The following HLCS variants were observed in gnomAD, a reference collection of about 807,000 sequenced individuals.
HLCS encodes biotin--protein ligase.
In HLCS, 53 loss-of-function variants were observed where a neutral mutation model predicts 75.0. The ratio of observed to expected loss-of-function variants is 0.71; its 90% CI spans 0.57 to 0.89. The LOEUF is 0.89. HLCS is among the 40% of genes least tolerant of loss of function. The pLI is 0.00. For missense variants in HLCS, 966 were observed against 1,074.0 expected (o/e 0.90, Z 1.41); for synonymous variants, 431 against 428.6 (o/e 1.01, Z -0.07).
At chr21:36,988,497 C>T (rs1393089609) in intron 1 of HLCS, among the ~76,000 whole-genome samples, 1 of 152,178 alleles carries the variant, frequency 6.6e-6, no homozygotes, top group Non-Finnish European at 1.5e-5. Context: ...CCATTGCAAA[C>T]AATGCTGCAA....
intron 8 of HLCS, among the ~76,000 whole-genome samples, chr21:36,764,560 C>A (rs2089967015): frequency 6.6e-6 from 1 of 151,792 alleles, no homozygotes; most frequent in African/African-American, 2.4e-5. Context: ...AACAAAAGAG[C>A]CAGGGGTGGT....
chr21:36,875,005 G>A (rs2146247970), intron 6 of HLCS, among the ~76,000 whole-genome samples: 1 of 152,306 alleles, frequency 6.6e-6, no homozygotes, highest in East Asian at 1.9e-4. Context: ...AGCCAGGTGT[G>A]CACATATGCA....
In HLCS at chr21:36,776,946, T is replaced by A. The variant is rs554832417; in HGVS notation, c.1893-9661A>T. The stretch of plus-strand genomic sequence containing the variant: ...CTTTTAACTAATAGGCTTTTTTATT[T>A]TTTTTAGAGCAACTTTAGGTTTACA... On this transcript the variant is annotated intron_variant, in intron 6 of 10. Coordinates refer to ENST00000674895, the MANE Select transcript of HLCS (RefSeq NM_001352514.2). Among the ~76,000 whole-genome samples the A allele has an allele frequency of 2.0e-5, 3 of 152,378 alleles. No individual in the cohort carries two copies. The East Asian group carries it at 5.8e-4, about 29-fold the overall frequency.
rs543953485 is a variant in HLCS at position 36,781,474 on chromosome 21, C to T, written c.1893-14189G>A. Among the ~76,000 whole-genome samples the T allele has an allele frequency of 4.5e-4, 69 of 152,094 alleles. 1 individual carries two copies. The highest frequency in any genetic ancestry group is 3.4e-3 in the Middle Eastern group (1 of 294). ...TGCATATTTCTTATGCACTATCTTA[C>T]GTATTTTATCTTATTTGTTGCTATT... On this transcript the variant is annotated intron_variant, in intron 6 of 10. Coordinates refer to ENST00000674895, the MANE Select transcript of HLCS (RefSeq NM_001352514.2).
At chr21:36,778,966 G>A (rs980694922) in intron 6 of HLCS, among the ~76,000 whole-genome samples, 7 of 152,126 alleles carry the variant, frequency 4.6e-5, no homozygotes, top group African/African-American at 1.7e-4. Flanking sequence ...TCTCCAAGGA[G>A]CTCTGGTTCC....
chr21:36,902,585 C>T (rs1340798074), intron 5 of HLCS, among the ~76,000 whole-genome samples: 2 of 152,130 alleles, frequency 1.3e-5, no homozygotes, highest in Admixed American at 6.5e-5. Flanking sequence ...TGCTGGCAGC[C>T]GGTAGAAGTC....
intron 6 of HLCS, among the ~76,000 whole-genome samples, chr21:36,814,090 G>T (rs1478408289): frequency 6.6e-6 from 1 of 152,130 alleles, no homozygotes; most frequent in East Asian, 1.9e-4. Flanking sequence ...GGCTCAGAAA[G>T]AATAGAATAG....
intron 1 of HLCS, among the ~76,000 whole-genome samples, chr21:36,983,053 A>T (rs994514314): frequency 3.9e-5 from 6 of 152,084 alleles, no homozygotes; most frequent in Non-Finnish European, 7.4e-5. Context: ...ACAAAAACAA[A>T]AACAAAAAAA....
At chr21:36,794,144 T>A (rs1601282076) in intron 6 of HLCS, among the ~76,000 whole-genome samples, 2 of 152,252 alleles carry the variant, frequency 1.3e-5, no homozygotes, top group East Asian at 3.8e-4. Flanking sequence ...AGGATACAGA[T>A]GATTCGGCAA....
Position 36,757,059 on chromosome 21 carries a change from A to AAACGTATCAGTGTTGCCTCTGAATT in HLCS, c.2237-305_2237-304insAATTCAGAGGCAACACTGATACGTT, listed in dbSNP as rs1194467266. ...AATAGAAGCTATTAAATATGGGACA[A>AAACGTATCAGTGTTGCCTCTGAATT]AACGTATCAGTGTTGCCTCTGAAAT... On this transcript the variant is annotated intron_variant, in intron 9 of 10. Transcript: ENST00000674895. 5.2e-5 allele frequency: 29 copies of AAACGTATCAGTGTTGCCTCTGAATT among 555,708 alleles called. 1 individual carries two copies. Among genetic ancestry groups the AAACGTATCAGTGTTGCCTCTGAATT allele is most frequent in the Admixed American group, 6.3e-5 (1 of 15,784 alleles). The allele number at this position is 555,708 out of a possible 1,614,324, so 34.4% of individuals were successfully genotyped here.
chr21:36,773,076 A>C (rs2060256912), intron 6 of HLCS, among the ~76,000 whole-genome samples: 1 of 152,026 alleles, frequency 6.6e-6, no homozygotes. Flanking sequence ...GGGTGGTAAG[A>C]TTTCAAGTGA....
At chr21:36,908,288 T>C (rs950492867) in intron 5 of HLCS, among the ~76,000 whole-genome samples, 8 of 151,456 alleles carry the variant, frequency 5.3e-5, no homozygotes, top group African/African-American at 1.9e-4. Flanking sequence ...ATTCAGGAGG[T>C]TGAGGTGGCA....
intron 2 of HLCS, among the ~76,000 whole-genome samples, chr21:36,957,545 G>A (rs1043576897): frequency 2.6e-5 from 4 of 152,134 alleles, no homozygotes; most frequent in African/African-American, 9.7e-5. Context: ...CATGTGATTT[G>A]ACCTACTTGA....
chr21:36,811,079 C>CGAT (rs76073961), intron 6 of HLCS, among the ~76,000 whole-genome samples: 30,892 of 152,034 alleles, frequency 0.2, 3,313 homozygotes, highest in South Asian at 0.31. Context: ...ATGTACAACA[C>CGAT]GTTTTGAAGT....
chr21:36,958,358 C>T (rs947379377), intron 2 of HLCS, among the ~76,000 whole-genome samples: 4 of 152,142 alleles, frequency 2.6e-5, no homozygotes, highest in Non-Finnish European at 5.9e-5. Context: ...TACTGTTTGA[C>T]TGGACCTAGG....
intron 1 of HLCS, among the ~76,000 whole-genome samples, chr21:36,987,924 A>C (rs78465198): frequency 0.017 from 2,534 of 152,302 alleles, 50 homozygotes; most frequent in East Asian, 0.071. Flanking sequence ...TTGTTTGTTT[A>C]CACACAGGTG....
chr21:36,876,071 G>A (rs992071666), intron 6 of HLCS, among the ~76,000 whole-genome samples: 20 of 152,194 alleles, frequency 1.3e-4, no homozygotes, highest in African/African-American at 4.3e-4. Context: ...CTGCCCCACC[G>A]CAGCAGCCAC....
intron 6 of HLCS, among the ~76,000 whole-genome samples, chr21:36,822,667 T>G (rs1433164961): frequency 6.6e-6 from 1 of 152,216 alleles, no homozygotes; most frequent in Non-Finnish European, 1.5e-5. Context: ...TGTTCAGGGA[T>G]GTATGGAGAC....
chr21:36,765,571 T>A (rs2145770120), intron 7 of HLCS, among the ~76,000 whole-genome samples: 1 of 152,332 alleles, frequency 6.6e-6, no homozygotes, highest in African/African-American at 2.4e-5. Context: ...TAGAAGCAAT[T>A]CCTATTGTGG....
Sources: gnomAD v4.1 joint callset for allele counts (sites outside exome capture counted in the v4.1 genomes callset) on GRCh38, gnomAD v4.1.1 for gene constraint, MANE v1.5 for transcripts, NCBI Gene and HGNC (gene_info 2026-07-23, HGNC 2026-07-21) for gene names.